GRM8: variants seen among roughly 807,000 people sequenced by gnomAD.
The protein encoded by GRM8 is metabotropic glutamate receptor 8.
GRM8 carries 47 observed loss-of-function variants against 87.2 expected under a neutral mutation model. The ratio of observed to expected loss-of-function variants is 0.54; its 90% CI spans 0.43 to 0.69. GRM8 has a LOEUF of 0.69. Among genes scored for constraint, GRM8 ranks in the 30% least tolerant of loss-of-function variants. The pLI, the probability that GRM8 is intolerant of heterozygous loss-of-function variation, is 0.00. For missense variants in GRM8, 1,019 were observed against 1,139.2 expected (o/e 0.89, Z 1.52); for synonymous variants, 396 against 404.5 (o/e 0.98, Z 0.25).
chr7:126,641,485 A>G (rs777418617), intron 7 of GRM8, among the ~76,000 whole-genome samples: 2 of 152,218 alleles, frequency 1.3e-5, no homozygotes, highest in Non-Finnish European at 2.9e-5. Context: ...TGGAGTAAGC[A>G]TGGTGCAGAG....
chr7:126,526,600 A>C (rs921811518), intron 9 of GRM8, among the ~76,000 whole-genome samples: 2 of 152,250 alleles, frequency 1.3e-5, no homozygotes, highest in Non-Finnish European at 2.9e-5. Flanking sequence ...CCCCAAAAGT[A>C]GGATGTGTAA....
chr7:126,604,828 A>G (rs1798189159), intron 8 of GRM8, among the ~76,000 whole-genome samples: 1 of 152,156 alleles, frequency 6.6e-6, no homozygotes, highest in African/African-American at 2.4e-5. Flanking sequence ...GGAGTCATCC[A>G]CTGAAAATTA....
intron 9 of GRM8, among the ~76,000 whole-genome samples, chr7:126,496,911 C>A (rs561439763): frequency 5.8e-4 from 88 of 151,764 alleles, no homozygotes; most frequent in Non-Finnish European, 1.0e-3. Context: ...GCACTGTATA[C>A]CTCTTTATGT....
intron 2 of GRM8, among the ~76,000 whole-genome samples, chr7:127,182,632 GGTGTGTGTGTGTGTGTGTGTGTGTGTGT>G (rs35530710): frequency 2.1e-5 from 3 of 141,826 alleles, no homozygotes; most frequent in Non-Finnish European, 3.1e-5. Context: ...AAGAAAGTGT[GGTGTGTGTGTGTGTGTGTGTGTGTGTGT>G]GTGTGTGTGT....
At chr7:127,016,732 T>C (rs1394067511) in intron 3 of GRM8, among the ~76,000 whole-genome samples, 2 of 152,128 alleles carry the variant, frequency 1.3e-5, no homozygotes, top group African/African-American at 2.4e-5. Flanking sequence ...TGAAATACTA[T>C]GTAAGTCACG....
At chr7:126,773,635 AT>A (rs1819100301) in intron 6 of GRM8, among the ~76,000 whole-genome samples, 1 of 152,188 alleles carries the variant, frequency 6.6e-6, no homozygotes, top group Non-Finnish European at 1.5e-5. Context: ...TCAGCATTCA[AT>A]AATTTCCTGA....
Position 126,533,594 on chromosome 7 carries a change from G to T in GRM8, c.1788C>A (p.Ile596=). 2 of 1,614,030 alleles carry T rather than the reference G, an allele frequency of 1.2e-6. No individual in the cohort carries two copies. The highest frequency in any genetic ancestry group is 1.7e-6 in the Non-Finnish European group (2 of 1,179,976). Reference sequence around the variant, plus strand: ...AGGTCACGATCACAAAGGTGGTGGCGATGATTCCCAATATTGCAACAAACA... The same window carrying T: ...AGGTCACGATCACAAAGGTGGTGGCTATGATTCCCAATATTGCAACAAACA... The part of the protein sequence containing the change: ...VPVFVAILGI[I]ATTFVIVTFV... The change falls in exon 9 of 11, where the codon ATC becomes ATA. Residue 596 remains isoleucine, a synonymous_variant. Coordinates refer to ENST00000339582, the MANE Select transcript of GRM8 (RefSeq NM_000845.3).
Position 126,907,004 on chromosome 7 carries a change from G to A in GRM8, c.728-2321C>T, listed in dbSNP as rs568803225. Among the ~76,000 whole-genome samples the A allele has an allele frequency of 1.2e-4, 18 of 152,240 alleles. No individual in the cohort carries two copies. In the South Asian group the frequency reaches 3.3e-3, roughly 28 times the overall value. On this transcript the variant is annotated intron_variant, in intron 3 of 10. Coordinates refer to ENST00000339582, the MANE Select transcript of GRM8 (RefSeq NM_000845.3). Reference sequence around the variant, plus strand: ...ATAAAAGAAATTCTCTAAGTTCACAGAATTCAGAAATATTGTGGGTAACTC... The same window carrying A: ...ATAAAAGAAATTCTCTAAGTTCACAAAATTCAGAAATATTGTGGGTAACTC...
Position 126,935,812 on chromosome 7 carries a change from C to CT in GRM8, c.728-31130dup, listed in dbSNP as rs576351419. On this transcript the variant is annotated intron_variant, in intron 3 of 10. Transcript: ENST00000339582. Reference sequence around the variant, plus strand: ...AAACCACATTTTCCAACCCTACTCACTTTCCCAGGCTTGATGCCACCTCTG... The same window carrying CT: ...AAACCACATTTTCCAACCCTACTCACTTTTCCCAGGCTTGATGCCACCTCTG... 1.6e-3 allele frequency among the ~76,000 whole-genome samples: 251 copies of CT among 152,352 alleles called. 1 individual carries two copies. The highest frequency in any genetic ancestry group is 5.8e-3 in the African/African-American group (243 of 41,586).
At chr7:126,906,789 C>A (rs1281188712) in intron 3 of GRM8, among the ~76,000 whole-genome samples, 2 of 152,122 alleles carry the variant, frequency 1.3e-5, no homozygotes, top group East Asian at 3.9e-4. Flanking sequence ...CTCTTAGTAA[C>A]CTTACAATTT....
In GRM8 at chr7:127,178,423, A is replaced by G. The variant is rs530155953; in HGVS notation, c.510+64272T>C. 9.8e-5 allele frequency among the ~76,000 whole-genome samples: 15 copies of G among 152,344 alleles called. No homozygotes were observed. The East Asian group carries it at 2.5e-3, about 25-fold the overall frequency. On this transcript the variant is annotated intron_variant, in intron 2 of 10. Transcript: ENST00000339582. The stretch of plus-strand genomic sequence containing the variant: ...ATAGAATTCTAAAACCTTGGAAAAC[A>G]TATTTGGGGGAATAATCGAGGAAAA...
In GRM8 at chr7:126,641,007, C is replaced by A. The variant is rs138564591; in HGVS notation, c.1358-31509G>T. 1.0e-3 allele frequency among the ~76,000 whole-genome samples: 152 copies of A among 152,020 alleles called. 2 individuals carry two copies. The Middle Eastern group carries it at 0.014, about 14-fold the overall frequency. ...TCAATATATTCTACTATTATTAGCA[C>A]TTTTTAAAGAAAATTGGTATAAATG... is the stretch of plus-strand genomic sequence containing the variant. On this transcript the variant is annotated intron_variant, in intron 7 of 10. Coordinates refer to ENST00000339582, the MANE Select transcript of GRM8 (RefSeq NM_000845.3).
intron 8 of GRM8, among the ~76,000 whole-genome samples, chr7:126,585,335 T>G (rs1224251709): frequency 6.6e-6 from 1 of 152,146 alleles, no homozygotes; most frequent in African/African-American, 2.4e-5. Context: ...AAAACACATC[T>G]CCTAATTTCC....
At chr7:126,831,952 G>A (rs998974572) in intron 6 of GRM8, among the ~76,000 whole-genome samples, 2 of 152,136 alleles carry the variant, frequency 1.3e-5, no homozygotes, top group African/African-American at 4.8e-5. Flanking sequence ...TTAAATCTCT[G>A]AAAGTTTGGT....
rs551152602 is a variant in GRM8 at position 126,941,488 on chromosome 7, C to T, written c.728-36805G>A. On this transcript the variant is annotated intron_variant, in intron 3 of 10. Transcript: ENST00000339582. ...ACAAAATATTAGCCGGGAGTGGTGG[C>T]GGGCACCTGTAGTCCCAGCTACTTG... is the stretch of plus-strand genomic sequence containing the variant. 7.5e-4 allele frequency among the ~76,000 whole-genome samples: 113 copies of T among 149,780 alleles called. 2 individuals are homozygous for T. Among genetic ancestry groups the T allele is most frequent in the African/African-American group, 8.6e-4 (35 of 40,670 alleles).
At chr7:126,609,691 C>T (rs78098508) in intron 7 of GRM8, among the ~76,000 whole-genome samples, 193 bp from the exon 8 acceptor site, 71 of 152,238 alleles carry the variant, frequency 4.7e-4, no homozygotes, top group African/African-American at 1.6e-3. Flanking sequence ...CATACACACA[C>T]GAGTAAGACG....
chr7:126,487,400 G>A (rs1807498837), intron 9 of GRM8, among the ~76,000 whole-genome samples: 1 of 151,826 alleles, frequency 6.6e-6, no homozygotes, highest in Non-Finnish European at 1.5e-5. Flanking sequence ...AAGTAGCAGG[G>A]ACTACAGGCA....
intron 6 of GRM8, among the ~76,000 whole-genome samples, chr7:126,777,247 G>T (rs1819580007): frequency 6.6e-6 from 1 of 151,992 alleles, no homozygotes; most frequent in Non-Finnish European, 1.5e-5. Flanking sequence ...AAGGGAAGAG[G>T]GAGGATACAA....
chr7:126,979,147 A>G (rs1260240124), intron 3 of GRM8, among the ~76,000 whole-genome samples: 1 of 152,218 alleles, frequency 6.6e-6, no homozygotes, highest in Non-Finnish European at 1.5e-5. Flanking sequence ...ATGCAGCTCA[A>G]TACATGATAT....
Sources: gnomAD v4.1 joint callset for allele counts (sites outside exome capture counted in the v4.1 genomes callset) on GRCh38, gnomAD v4.1.1 for gene constraint, MANE v1.5 for transcripts, NCBI Gene and HGNC (gene_info 2026-07-23, HGNC 2026-07-21) for gene names.